Variants in CTNNA2 observed in about 807,000 individuals in gnomAD.
The protein encoded by CTNNA2 is catenin alpha-2.
CTNNA2 carries 42 observed loss-of-function variants against 101.0 expected under a neutral mutation model. That is an observed-to-expected ratio of 0.42 (90% CI 0.32 to 0.54). The LOEUF is 0.54. Among genes scored for constraint, CTNNA2 ranks in the 20% least tolerant of loss-of-function variants. CTNNA2 has a pLI of 0.14. For synonymous variants in CTNNA2, 450 were observed against 456.4 expected (o/e 0.99, Z 0.18); for missense variants, 871 against 1,223.1 (o/e 0.71, Z 4.29).
At chr2:79,348,521 A>C (rs564524844) in intron 3 of CTNNA2, among the ~76,000 whole-genome samples, 1 of 152,356 alleles carries the variant, frequency 6.6e-6, no homozygotes, top group Non-Finnish European at 1.5e-5. Flanking sequence ...ATGTGGAGAC[A>C]GCAGCAAAGC....
In CTNNA2 at chr2:79,381,935, A is replaced by T. The variant is rs776354648; in HGVS notation, c.-135+7922A>T. On this transcript the variant is annotated intron_variant, in intron 4 of 21. Coordinates refer to the CTNNA2 transcript ENST00000466387. ...TAAATGACTGCGTGATTGCTAATTT[A>T]ATGTGTCAACTTGGCTGGGCTAAGG... Among the ~76,000 whole-genome samples, 19 of 152,342 alleles carry T rather than the reference A, an allele frequency of 1.2e-4. 1 individual carries two copies. The highest frequency in any genetic ancestry group is 2.6e-4 in the Non-Finnish European group (18 of 68,032).
intron 3 of CTNNA2, among the ~76,000 whole-genome samples, chr2:79,755,024 T>A (rs2105051759): frequency 7.2e-6 from 1 of 138,614 alleles, no homozygotes; most frequent in East Asian, 2.2e-4. Flanking sequence ...TCCATTACTT[T>A]TTAAAATGAT....
At chr2:79,404,836 C>G (rs1230015131) in intron 4 of CTNNA2, among the ~76,000 whole-genome samples, 1 of 151,918 alleles carries the variant, frequency 6.6e-6, no homozygotes, top group African/African-American at 2.4e-5. Context: ...CCTCATAATT[C>G]CTGCCCCCTA....
chr2:80,276,183 T>C (rs1487217838), intron 7 of CTNNA2, among the ~76,000 whole-genome samples: 1 of 152,206 alleles, frequency 6.6e-6, no homozygotes, highest in Non-Finnish European at 1.5e-5. Context: ...AGTCATTCCA[T>C]ATGAACTGGA....
At chr2:79,247,466 C>T (rs1674714214) in intron 2 of CTNNA2, among the ~76,000 whole-genome samples, 1 of 152,136 alleles carries the variant, frequency 6.6e-6, no homozygotes, top group South Asian at 2.1e-4. Context: ...TGGAGCATTG[C>T]AATTAGTTAT....
intron 7 of CTNNA2, among the ~76,000 whole-genome samples, chr2:80,225,565 A>AT (rs1045601140): frequency 2.0e-5 from 3 of 152,108 alleles, no homozygotes; most frequent in South Asian, 2.1e-4. Context: ...CCTATTTTTA[A>AT]TTTTTTTTGA....
chr2:79,975,045 A>C (rs556748654), intron 7 of CTNNA2, among the ~76,000 whole-genome samples: 1 of 152,272 alleles, frequency 6.6e-6, no homozygotes, highest in Admixed American at 6.5e-5. Flanking sequence ...AACACGGTGA[A>C]TGAGGAGGAG....
chr2:80,462,235 A>T (rs1249607651), intron 9 of CTNNA2, among the ~76,000 whole-genome samples: 1 of 152,220 alleles, frequency 6.6e-6, no homozygotes, highest in African/African-American at 2.4e-5. Flanking sequence ...GTCTCAGGCT[A>T]CTGAAGTTGC....
intron 6 of CTNNA2, 59 bp downstream of exon 6, chr2:79,874,401 A>G: frequency 4.0e-6 from 6 of 1,484,876 alleles, no homozygotes; most frequent in South Asian, 1.2e-5. Flanking sequence ...AAAAAAAAAA[A>G]TGTATTGAGG....
intron 4 of CTNNA2, among the ~76,000 whole-genome samples, chr2:79,493,204 T>C (rs896797904): frequency 8.1e-5 from 10 of 124,030 alleles, no homozygotes; most frequent in African/African-American, 2.9e-4. Context: ...AGAAAGTAAG[T>C]AGAAAGAAAA....
At chr2:79,954,123 G>A (rs1288746550) in intron 7 of CTNNA2, among the ~76,000 whole-genome samples, 1 of 152,142 alleles carries the variant, frequency 6.6e-6, no homozygotes, top group African/African-American at 2.4e-5. Flanking sequence ...GGCAGCAGGA[G>A]AGAAGTGAGT....
rs576898699 is a variant in CTNNA2 at position 80,006,753 on chromosome 2, A to T, written c.1056+96956A>T. On this transcript the variant is annotated intron_variant, in intron 7 of 18. Transcript: ENST00000402739. ...ACTACCCTATTTACTGGAATGACTA[A>T]AAGTCCAGGGCACTTTGGTAAGTTG... 3.9e-5 allele frequency among the ~76,000 whole-genome samples: 6 copies of T among 152,218 alleles called. No homozygotes were observed. The South Asian group carries it at 1.2e-3, about 32-fold the overall frequency.
intron 6 of CTNNA2, among the ~76,000 whole-genome samples, chr2:79,889,699 C>T: frequency 6.6e-6 from 1 of 152,308 alleles, no homozygotes; most frequent in East Asian, 1.9e-4. Context: ...TTTTCTTCTT[C>T]TCCTACCCAT....
chr2:79,421,059 C>T (rs1480424198), intron 4 of CTNNA2, among the ~76,000 whole-genome samples: 1 of 152,082 alleles, frequency 6.6e-6, no homozygotes. Context: ...AAGCAGTGCC[C>T]ATTTAAGGCT....
intron 7 of CTNNA2, among the ~76,000 whole-genome samples, chr2:80,266,732 G>A (rs1485209690): frequency 1.3e-5 from 2 of 152,164 alleles, no homozygotes; most frequent in Non-Finnish European, 2.9e-5. Context: ...GAAGTTGTCA[G>A]TACTGAGCTG....
chr2:80,294,540 C>T (rs562959392), intron 7 of CTNNA2, among the ~76,000 whole-genome samples: 2 of 152,162 alleles, frequency 1.3e-5, no homozygotes, highest in Admixed American at 1.3e-4. Flanking sequence ...ACTTTTGGAT[C>T]TTGTAGATTG....
intron 7 of CTNNA2, among the ~76,000 whole-genome samples, chr2:79,997,527 T>C (rs909489961): frequency 6.6e-6 from 1 of 152,156 alleles, no homozygotes; most frequent in Admixed American, 6.5e-5. Flanking sequence ...TGACATGCCC[T>C]CCAGTGCCCC....
At chr2:80,322,352 C>G (rs1008124594) in intron 7 of CTNNA2, among the ~76,000 whole-genome samples, 2 of 151,096 alleles carry the variant, frequency 1.3e-5, no homozygotes, top group Admixed American at 6.6e-5. Context: ...TGTAGATGTG[C>G]TGAACTGGAG....
At chr2:79,257,432 G>A (rs886154719) in intron 2 of CTNNA2, among the ~76,000 whole-genome samples, 3 of 151,710 alleles carry the variant, frequency 2.0e-5, no homozygotes, top group African/African-American at 7.3e-5. Flanking sequence ...AACTCTGACT[G>A]TGATTGTTGT....
Sources: gnomAD v4.1 joint callset for allele counts (sites outside exome capture counted in the v4.1 genomes callset) on GRCh38, gnomAD v4.1.1 for gene constraint, MANE v1.5 for transcripts, NCBI Gene and HGNC (gene_info 2026-07-23, HGNC 2026-07-21) for gene names.